Variants in TENM2 observed in about 807,000 individuals in gnomAD.
The protein encoded by TENM2 is teneurin transmembrane protein 2, also known as teneurin-2.
Under a neutral mutation model 245.2 loss-of-function variants are expected in TENM2, and 52 were observed. The observed-to-expected ratio is 0.21, with a 90% CI of 0.17 to 0.27. TENM2 has a LOEUF of 0.27. Ranked by LOEUF, TENM2 falls within the 10% of genes least tolerant of loss-of-function variation. The pLI, the probability that TENM2 is intolerant of heterozygous loss-of-function variation, is 1.00. For synonymous variants in TENM2, 1,363 were observed against 1,438.9 expected (o/e 0.95, Z 1.19); for missense variants, 3,046 against 3,666.8 (o/e 0.83, Z 4.37).
At chr5:167,973,798 C>G (rs1257381356) in intron 4 of TENM2, among the ~76,000 whole-genome samples, 4 of 151,978 alleles carry the variant, frequency 2.6e-5, no homozygotes, top group Admixed American at 2.6e-4. Context: ...TCTCATGGCC[C>G]AAGTCAAGGT....
the TENM2 span, among the ~76,000 whole-genome samples, chr5:167,127,385 A>G: frequency 6.6e-6 from 1 of 152,068 alleles, no homozygotes; most frequent in Non-Finnish European, 1.5e-5. Flanking sequence ...TTATTAATAC[A>G]TTTTCAAATT....
chr5:167,058,471 A>C, the TENM2 span, among the ~76,000 whole-genome samples: 107 of 152,312 alleles, frequency 7.0e-4, 1 homozygote, highest in African/African-American at 2.5e-3. Flanking sequence ...AAAGTATACA[A>C]TTTTTGGCAA....
upstream of TENM2, among the ~76,000 whole-genome samples, chr5:167,281,323 G>T (rs2127702641): frequency 6.6e-6 from 1 of 150,642 alleles, no homozygotes; most frequent in South Asian, 2.1e-4. Context: ...CCTCATCTTG[G>T]CCAGGCTGGT....
chr5:167,252,349 G>A, the TENM2 span, among the ~76,000 whole-genome samples: 1 of 152,110 alleles, frequency 6.6e-6, no homozygotes, highest in Non-Finnish European at 1.5e-5. Context: ...GTTAATGTGG[G>A]CCAACCACTG....
the TENM2 span, among the ~76,000 whole-genome samples, chr5:167,033,459 T>C: frequency 6.6e-6 from 1 of 152,230 alleles, no homozygotes; most frequent in African/African-American, 2.4e-5. Context: ...CTTACGTTTA[T>C]CTTCCTTAGT....
intron 4 of TENM2, among the ~76,000 whole-genome samples, chr5:167,953,176 C>A (rs1290648124): frequency 6.6e-6 from 1 of 152,152 alleles, no homozygotes; most frequent in African/African-American, 2.4e-5. Context: ...TTTGGCCTTT[C>A]TTGAAGTAAT....
intron 2 of TENM2, among the ~76,000 whole-genome samples, chr5:167,404,135 T>C (rs1484099692): frequency 6.6e-6 from 1 of 152,018 alleles, no homozygotes; most frequent in African/African-American, 2.4e-5. Flanking sequence ...TCTCAAGATG[T>C]GCCATCTGTG....
chr5:167,118,033 A>G, the TENM2 span, among the ~76,000 whole-genome samples: 2 of 152,176 alleles, frequency 1.3e-5, no homozygotes, highest in African/African-American at 4.8e-5. Context: ...CTACTATCCA[A>G]TATTACTTCT....
intron 19 of TENM2, among the ~76,000 whole-genome samples, chr5:168,208,510 C>T (rs755859836): frequency 1.3e-5 from 2 of 152,180 alleles, no homozygotes; most frequent in Admixed American, 6.5e-5. Context: ...TGGAAGGAAG[C>T]GTCAGCAAGG....
intron 2 of TENM2, among the ~76,000 whole-genome samples, chr5:167,576,505 C>T (rs909507146): frequency 1.3e-5 from 2 of 152,026 alleles, no homozygotes; most frequent in African/African-American, 2.4e-5. Context: ...AACTTGAGTT[C>T]GATTTTAAAA....
intron 3 of TENM2, among the ~76,000 whole-genome samples, chr5:167,890,045 C>T (rs1180278197): frequency 6.6e-6 from 1 of 152,130 alleles, no homozygotes; most frequent in Non-Finnish European, 1.5e-5. Context: ...GATATGGTGG[C>T]AGCCAGAGAA....
At chr5:167,196,964 C>T in the TENM2 span, among the ~76,000 whole-genome samples, 1 of 151,756 alleles carries the variant, frequency 6.6e-6, no homozygotes, top group Non-Finnish European at 1.5e-5. Flanking sequence ...CACCCATACT[C>T]CTGTTATGTC....
At chr5:167,279,500 CTTT>C in the TENM2 span, among the ~76,000 whole-genome samples, 1 of 143,564 alleles carries the variant, frequency 7.0e-6, no homozygotes, top group African/African-American at 2.6e-5. Context: ...CTTTCTCTTT[CTTT>C]CCTTCCTTCC....
At chr5:167,350,204 C>T (rs571023169) in intron 1 of TENM2, among the ~76,000 whole-genome samples, 1 of 152,180 alleles carries the variant, frequency 6.6e-6, no homozygotes, top group East Asian at 1.9e-4. Flanking sequence ...CTTAATTTCC[C>T]TGGTCCTCCT....
At chr5:167,356,182 C>A (rs1336629133) in intron 1 of TENM2, among the ~76,000 whole-genome samples, 2 of 59,290 alleles carry the variant, frequency 3.4e-5, no homozygotes, top group African/African-American at 9.6e-5. Context: ...AGCGAGACTC[C>A]ATCTCAAAAA....
At chr5:167,454,362 C>T (rs1406724294) in intron 2 of TENM2, among the ~76,000 whole-genome samples, 2 of 151,948 alleles carry the variant, frequency 1.3e-5, no homozygotes, top group African/African-American at 4.8e-5. Context: ...AATTTGTTGG[C>T]TTATGTAATT....
intron 2 of TENM2, among the ~76,000 whole-genome samples, chr5:167,436,740 C>A (rs900630083): frequency 6.6e-6 from 1 of 151,992 alleles, no homozygotes; most frequent in Admixed American, 6.6e-5. Flanking sequence ...CTGTGTCCCA[C>A]CCACTGCAGC....
At chr5:167,657,503 A>G (rs1331106396) in intron 2 of TENM2, among the ~76,000 whole-genome samples, 2 of 152,194 alleles carry the variant, frequency 1.3e-5, no homozygotes, top group Non-Finnish European at 2.9e-5. Context: ...AATGCCCAGT[A>G]GTGGGATTGC....
chr5:167,993,298 G>C (rs1204008008), intron 5 of TENM2, 116 bp downstream of exon 7: 2 of 763,928 alleles, frequency 2.6e-6, no homozygotes, highest in Non-Finnish European at 4.2e-6. Context: ...CTTTGCTCCT[G>C]AAAGATGTGA....
Sources: allele counts gnomAD v4.1 joint callset (sites outside exome capture counted in the v4.1 genomes callset), GRCh38; gene constraint gnomAD v4.1.1; transcripts MANE v1.5; gene names NCBI Gene and HGNC (gene_info 2026-07-23, HGNC 2026-07-21).